Variants in USP13 observed in about 807,000 individuals in gnomAD.
The protein encoded by USP13 is ubiquitin carboxyl-terminal hydrolase 13.
A neutral mutation model predicts 107.8 loss-of-function variants in USP13; 68 were observed. The observed-to-expected ratio is 0.63, with a 90% CI of 0.52 to 0.77. The LOEUF (loss-of-function observed/expected upper bound fraction) is 0.77, where lower values mean the gene tolerates loss of function less well. USP13 is among the 30% of genes least tolerant of loss of function. The pLI is 0.00. For synonymous variants in USP13, 377 were observed against 389.5 expected (o/e 0.97, Z 0.38); for missense variants, 945 against 1,093.3 (o/e 0.86, Z 1.91).
chr3:179,757,254 G>A (rs1714841383), intron 16 of USP13, 176 bp downstream of exon 16: 1 of 644,094 alleles, frequency 1.6e-6, no homozygotes, highest in East Asian at 2.7e-5. Flanking sequence ...TGGCCCATGG[G>A]GCTCAGGAGA....
rs1298555382 is a variant in USP13, at chr3:179,785,451, A to G, written c.*1310A>G. Reference sequence around the variant, plus strand: ...TTAGATTAGAGTTTCCAACGTGATGAAAAGTGGAATGATAGCATTCTATAA... The same window carrying G: ...TTAGATTAGAGTTTCCAACGTGATGGAAAGTGGAATGATAGCATTCTATAA... On this transcript the variant is annotated 3_prime_UTR_variant, in exon 21 of 21. Transcript: ENST00000263966. 6.6e-6 allele frequency: 1 copy of G among 152,232 alleles called. No homozygotes were observed. Among genetic ancestry groups the G allele is most frequent in the Non-Finnish European group, 1.5e-5 (1 of 68,044 alleles). 9.4% of individuals were successfully genotyped at this position (152,232 alleles called of 1,614,324 possible).
rs576727841 is a variant in USP13 at position 179,675,067 on chromosome 3, C to CG, written c.169-6808dup. Among the ~76,000 whole-genome samples, 19 of 150,860 alleles carry CG rather than the reference C, an allele frequency of 1.3e-4. No individual in the cohort carries two copies. In the South Asian group the frequency reaches 3.8e-3, roughly 30 times the overall value. On this transcript the variant is annotated intron_variant, in intron 1 of 20. Transcript: ENST00000263966. The stretch of plus-strand genomic sequence containing the variant: ...GCGGGCGCCTGTAGTCCCAGCTACT[C>CG]GGGAGGCTGAGGCAGGAGAATGGTG...
intron 6 of USP13, among the ~76,000 whole-genome samples, chr3:179,716,949 T>C (rs937557371): frequency 4.6e-5 from 7 of 152,206 alleles, no homozygotes; most frequent in African/African-American, 1.7e-4. Flanking sequence ...CATGCTCTTG[T>C]GGTTTAGTTT....
rs144663565 is a variant in USP13 at position 179,731,176 on chromosome 3, C to T, written c.1254+467C>T. Among the ~76,000 whole-genome samples the T allele has an allele frequency of 2.4e-3, 359 of 152,170 alleles. 5 individuals carry two copies. Among genetic ancestry groups the T allele is most frequent in the African/African-American group, 8.3e-3 (346 of 41,526 alleles). On this transcript the variant is annotated intron_variant, in intron 10 of 20. Transcript: ENST00000263966. ...CTATAATCCCGGCACTTTGGGAGGC[C>T]GAGGTGGGTGGATCACCTGAGGTTG...
intron 6 of USP13, among the ~76,000 whole-genome samples, chr3:179,719,650 T>G (rs1407875887): frequency 1.3e-5 from 2 of 152,236 alleles, no homozygotes; most frequent in Non-Finnish European, 2.9e-5. Flanking sequence ...GCATTTATAC[T>G]TGTATACTTA....
At chr3:179,775,221 G>A (rs889522558) in intron 19 of USP13, among the ~76,000 whole-genome samples, 1 of 152,148 alleles carries the variant, frequency 6.6e-6, no homozygotes, top group African/African-American at 2.4e-5. Flanking sequence ...ATGCTGATCG[G>A]TGCATTTACA....
chr3:179,747,879 T>C (rs563835841), intron 13 of USP13, among the ~76,000 whole-genome samples: 3 of 152,318 alleles, frequency 2.0e-5, no homozygotes, highest in South Asian at 2.1e-4. Flanking sequence ...CCTATAGTTC[T>C]TACAAGGAGC....
chr3:179,656,968 G>A (rs565308110), intron 1 of USP13, among the ~76,000 whole-genome samples: 2 of 152,144 alleles, frequency 1.3e-5, no homozygotes, highest in Non-Finnish European at 2.9e-5. Context: ...ACTGAGAAAG[G>A]AATCATGGGG....
intron 1 of USP13, among the ~76,000 whole-genome samples, chr3:179,661,892 G>A (rs1392595825): frequency 6.6e-6 from 1 of 152,272 alleles, no homozygotes; most frequent in East Asian, 1.9e-4. Context: ...GCACCTGGTC[G>A]ATGTGAGGTT....
At chr3:179,748,201 C>T (rs1275683798) in intron 13 of USP13, among the ~76,000 whole-genome samples, 1 of 152,214 alleles carries the variant, frequency 6.6e-6, no homozygotes, top group East Asian at 1.9e-4. Flanking sequence ...AAGTGGCAGG[C>T]ATGGGATTCA....
intron 19 of USP13, among the ~76,000 whole-genome samples, chr3:179,775,567 G>C (rs1213485626): frequency 6.6e-6 from 1 of 152,224 alleles, no homozygotes; most frequent in African/African-American, 2.4e-5. Flanking sequence ...TGCGGAGCAG[G>C]GGGCGGTGCC....
intron 13 of USP13, among the ~76,000 whole-genome samples, chr3:179,745,690 A>G (rs1403732227): frequency 1.3e-5 from 2 of 152,168 alleles, no homozygotes; most frequent in African/African-American, 2.4e-5. Flanking sequence ...ACAGGCCTCC[A>G]TATTTAAACT....
rs146611236 is a variant in USP13, at chr3:179,780,664, C to T, written c.2414-1075C>T. Among the ~76,000 whole-genome samples the T allele has an allele frequency of 7.4e-4, 113 of 152,088 alleles. 1 individual carries two copies. The highest frequency in any genetic ancestry group is 2.6e-3 in the African/African-American group (108 of 41,510). ...TGTCCTGGAGGCAAGTATTTGAGAA[C>T]GGAGGTCATCAACAGAATGTGATGC... is the stretch of plus-strand genomic sequence containing the variant. On this transcript the variant is annotated intron_variant, in intron 19 of 20. Transcript: ENST00000263966.
chr3:179,661,727 C>T (rs1005435661), intron 1 of USP13, among the ~76,000 whole-genome samples: 1 of 152,144 alleles, frequency 6.6e-6, no homozygotes, highest in Non-Finnish European at 1.5e-5. Context: ...AGCTGTGTCC[C>T]TGCTTTGCTA....
intron 6 of USP13, among the ~76,000 whole-genome samples, chr3:179,713,493 A>G (rs1482032750): frequency 6.6e-6 from 1 of 151,842 alleles, no homozygotes; most frequent in African/African-American, 2.4e-5. Context: ...CCTTGTGGAC[A>G]TTGAGGCCCA....
chr3:179,663,453 A>C (rs1284184460), intron 1 of USP13, among the ~76,000 whole-genome samples: 1 of 151,990 alleles, frequency 6.6e-6, no homozygotes, highest in African/African-American at 2.4e-5. Flanking sequence ...TGGCTATCTC[A>C]CTGTCTCTTT....
At chr3:179,669,882 T>C (rs1436204190) in intron 1 of USP13, among the ~76,000 whole-genome samples, 2 of 152,082 alleles carry the variant, frequency 1.3e-5, no homozygotes, top group African/African-American at 4.8e-5. Context: ...CTTTGAAAAA[T>C]GTAGATGAGA....
At chr3:179,775,938 T>C (rs1457329558) in intron 19 of USP13, among the ~76,000 whole-genome samples, 3 of 152,132 alleles carry the variant, frequency 2.0e-5, no homozygotes, top group Non-Finnish European at 2.9e-5. Flanking sequence ...GCTCCCACAG[T>C]GCAGCGGTGG....
chr3:179,661,011 G>A (rs1439617750), intron 1 of USP13, among the ~76,000 whole-genome samples: 2 of 152,146 alleles, frequency 1.3e-5, no homozygotes, highest in African/African-American at 4.8e-5. Flanking sequence ...AGTTAAAACT[G>A]AGAAAAATTT....
Sources: allele counts gnomAD v4.1 joint callset (sites outside exome capture counted in the v4.1 genomes callset), GRCh38; gene constraint gnomAD v4.1.1; transcripts MANE v1.5; gene names NCBI Gene and HGNC (gene_info 2026-07-23, HGNC 2026-07-21).